CSMD1: variants seen among roughly 807,000 people sequenced by gnomAD.
CSMD1 encodes CUB and sushi domain-containing protein 1.
CSMD1 carries 213 observed loss-of-function variants against 417.5 expected under a neutral mutation model. That is an observed-to-expected ratio of 0.51 (90% confidence interval 0.46 to 0.57). CSMD1 has a LOEUF of 0.57. CSMD1 is among the 20% of genes least tolerant of loss of function. The pLI is 0.00. For synonymous variants in CSMD1, 2,862 were observed against 1,736.8 expected (o/e 1.65, Z -16.11); for missense variants, 6,923 against 4,529.7 (o/e 1.53, Z -15.17).
At chr8:3,001,029 G>C (rs1807363530) in intron 52 of CSMD1, among the ~76,000 whole-genome samples, 3 of 151,588 alleles carry the variant, frequency 2.0e-5, no homozygotes, top group Non-Finnish European at 1.5e-5. Flanking sequence ...ACTCAAGCTG[G>C]AATGCAGTGG....
intron 2 of CSMD1, among the ~76,000 whole-genome samples, chr8:4,475,553 C>G (rs756878435): frequency 6.6e-6 from 1 of 152,110 alleles, no homozygotes; most frequent in Non-Finnish European, 1.5e-5. Context: ...ATCTTGCAAC[C>G]TATACGTCTT....
intron 12 of CSMD1, among the ~76,000 whole-genome samples, chr8:3,432,004 C>G (rs1301870986): frequency 2.6e-5 from 4 of 152,134 alleles, no homozygotes; most frequent in Non-Finnish European, 5.9e-5. Flanking sequence ...TGTAAGAGAT[C>G]ACTGTGTGAA....
At position 4,642,293 on chromosome 8, in the gene CSMD1, A is replaced by G. The variant is rs1803240802; in HGVS notation, c.86-4735T>C. Among the ~76,000 whole-genome samples, 4 of 152,092 alleles carry G rather than the reference A, an allele frequency of 2.6e-5. No homozygotes were observed. The South Asian group carries it at 8.3e-4, about 32-fold the overall frequency. ...TCACTGTGTCCTATGACAATTTTCT[A>G]CTTTGAAAGCCTGTCTCAGAAACAC... is the stretch of plus-strand genomic sequence containing the variant. On this transcript the variant is annotated intron_variant, in intron 1 of 69. Coordinates refer to ENST00000635120, the MANE Select transcript of CSMD1 (RefSeq NM_033225.6).
At chr8:3,916,479 C>A (rs1056802186) in intron 5 of CSMD1, among the ~76,000 whole-genome samples, 1 of 152,120 alleles carries the variant, frequency 6.6e-6, no homozygotes, top group Non-Finnish European at 1.5e-5. Context: ...GGCTTGTTAG[C>A]TTGAAATTTC....
chr8:3,781,928 A>G (rs1799208998), intron 5 of CSMD1, among the ~76,000 whole-genome samples: 1 of 152,206 alleles, frequency 6.6e-6, no homozygotes, highest in African/African-American at 2.4e-5. Flanking sequence ...AATAAGAACT[A>G]TAATCTCACA....
At chr8:4,080,323 C>A (rs1016870439) in intron 3 of CSMD1, among the ~76,000 whole-genome samples, 1 of 152,140 alleles carries the variant, frequency 6.6e-6, no homozygotes, top group Non-Finnish European at 1.5e-5. Context: ...CACGATCTTA[C>A]CCGTGAGTAC....
intron 5 of CSMD1, among the ~76,000 whole-genome samples, chr8:3,865,096 C>G (rs998386134): frequency 7.9e-5 from 12 of 152,142 alleles, no homozygotes; most frequent in African/African-American, 2.7e-4. Context: ...TAACAATACT[C>G]CACACACTAT....
chr8:3,142,751 G>T (rs552035141), intron 40 of CSMD1, 77 bp from the exon 41 acceptor site: 1 of 1,182,064 alleles, frequency 8.5e-7, no homozygotes, highest in Admixed American at 1.7e-5. Context: ...AGGGACTGAA[G>T]TGTTAGCAGT....
chr8:4,018,777 C>G (rs1358606606), intron 4 of CSMD1, among the ~76,000 whole-genome samples: 1 of 152,122 alleles, frequency 6.6e-6, no homozygotes, highest in African/African-American at 2.4e-5. Flanking sequence ...GACTCTGTAG[C>G]CAAAGTGTCC....
chr8:3,950,416 T>C lies in CSMD1; in HGVS notation c.818+47487A>G, dbSNP rs905957575. Among the ~76,000 whole-genome samples the C allele has an allele frequency of 1.2e-4, 18 of 152,332 alleles. No homozygotes were observed. The East Asian group carries it at 3.1e-3, about 26-fold the overall frequency. On this transcript the variant is annotated intron_variant, in intron 5 of 69. Coordinates refer to ENST00000635120, the MANE Select transcript of CSMD1 (RefSeq NM_033225.6). ...CAATCGGCCTACGGGTCAATGTAAG[T>C]AGCAGAAGAGAGGTTCTTCTGGATC...
At position 4,611,934 on chromosome 8, in the gene CSMD1, G is replaced by C. The variant is rs191328443; in HGVS notation, c.302+25408C>G. Among the ~76,000 whole-genome samples the C allele has an allele frequency of 3.3e-5, 5 of 152,272 alleles. No individual in the cohort carries two copies. In the East Asian group the frequency reaches 9.7e-4, roughly 29 times the overall value. ...ATTCTACATTCCTGAATAGTTACTT[G>C]TGAATTCAGGATTTCATTTAGCTTA... On this transcript the variant is annotated intron_variant, in intron 2 of 69. Transcript: ENST00000635120.
At chr8:3,858,761 G>A (rs77168231) in intron 5 of CSMD1, among the ~76,000 whole-genome samples, 1 of 151,872 alleles carries the variant, frequency 6.6e-6, no homozygotes, top group Non-Finnish European at 1.5e-5. Context: ...TTACACTCCT[G>A]TATAACTTAT....
chr8:3,613,702 AACAC>A (rs61391436), intron 8 of CSMD1, among the ~76,000 whole-genome samples: 1,686 of 144,862 alleles, frequency 0.012, 9 homozygotes, highest in Middle Eastern at 0.056. Context: ...GTCAGATTAA[AACAC>A]ACACACACAC....
At chr8:3,690,222 G>A (rs1333521548) in intron 7 of CSMD1, among the ~76,000 whole-genome samples, 1 of 152,146 alleles carries the variant, frequency 6.6e-6, no homozygotes, top group Non-Finnish European at 1.5e-5. Context: ...AGCCAGGCAT[G>A]GTGGTGTGCA....
chr8:4,757,873 C>T (rs182579750), intron 1 of CSMD1, among the ~76,000 whole-genome samples: 6 of 149,438 alleles, frequency 4.0e-5, no homozygotes, highest in South Asian at 2.1e-4. Flanking sequence ...GCAGAAGAAT[C>T]GCTTGAACCT....
chr8:4,106,043 C>T (rs1801551475), intron 3 of CSMD1, among the ~76,000 whole-genome samples: 1 of 152,140 alleles, frequency 6.6e-6, no homozygotes, highest in Non-Finnish European at 1.5e-5. Flanking sequence ...TCAAGGTAGG[C>T]CAGATTTTAG....
At chr8:4,367,081 G>A (rs182899402) in intron 3 of CSMD1, among the ~76,000 whole-genome samples, 224 of 152,054 alleles carry the variant, frequency 1.5e-3, no homozygotes, top group African/African-American at 4.8e-3. Context: ...TATTTTTATT[G>A]CAATTGCTTT....
chr8:3,528,210 T>C (rs549690717), intron 10 of CSMD1, among the ~76,000 whole-genome samples: 73 of 152,362 alleles, frequency 4.8e-4, no homozygotes, highest in African/African-American at 1.7e-3. Flanking sequence ...TGCACAAATA[T>C]TAAGTACTGC....
intron 4 of CSMD1, among the ~76,000 whole-genome samples, chr8:4,030,700 C>T (rs988410135): frequency 1.6e-4 from 25 of 152,284 alleles, no homozygotes; most frequent in Non-Finnish European, 3.1e-4. Flanking sequence ...CAAATTTCTG[C>T]AGTTGGCTTG....
Sources: allele counts gnomAD v4.1 joint callset (sites outside exome capture counted in the v4.1 genomes callset), GRCh38; gene constraint gnomAD v4.1.1; transcripts MANE v1.5; gene names NCBI Gene and HGNC (gene_info 2026-07-23, HGNC 2026-07-21).